The following EXOC6B variants were observed in gnomAD, a reference collection of about 807,000 sequenced individuals.
EXOC6B encodes the protein SEC15 homolog B.
In EXOC6B, 54 loss-of-function variants were observed where a neutral mutation model predicts 113.5. That is an observed-to-expected ratio of 0.48 (90% CI 0.38 to 0.60). The LOEUF is 0.60. Among genes scored for constraint, EXOC6B ranks in the 20% least tolerant of loss-of-function variants. EXOC6B has a pLI of 0.00. For missense variants in EXOC6B, 797 were observed against 977.5 expected (o/e 0.82, Z 2.46); for synonymous variants, 357 against 339.0 (o/e 1.05, Z -0.58).
intron 7 of EXOC6B, among the ~76,000 whole-genome samples, chr2:72,568,959 CAAA>C (rs1245621112): frequency 7.4e-6 from 1 of 135,432 alleles, no homozygotes; most frequent in Non-Finnish European, 1.5e-5. Flanking sequence ...ACTATCACCA[CAAA>C]AAAAAAAAAA....
chr2:72,740,121 T>C (rs971491182), intron 2 of EXOC6B, among the ~76,000 whole-genome samples: 11 of 152,122 alleles, frequency 7.2e-5, no homozygotes, highest in African/African-American at 2.4e-4. Flanking sequence ...CTATAATCAA[T>C]TGAGTTTTTA....
chr2:72,633,282 T>C (rs1672597124), intron 6 of EXOC6B, among the ~76,000 whole-genome samples: 1 of 152,124 alleles, frequency 6.6e-6, no homozygotes, highest in South Asian at 2.1e-4. Context: ...GGGAATAAAT[T>C]AGGCAGGATC....
At chr2:72,214,259 G>A (rs542678155) in intron 20 of EXOC6B, among the ~76,000 whole-genome samples, 11 of 120,824 alleles carry the variant, frequency 9.1e-5, no homozygotes, top group South Asian at 5.0e-4. Flanking sequence ...AAGCTGAGGC[G>A]GGCGGATCAT....
At chr2:72,692,635 G>A (rs1262213656) in intron 6 of EXOC6B, among the ~76,000 whole-genome samples, 1 of 152,190 alleles carries the variant, frequency 6.6e-6, no homozygotes, top group African/African-American at 2.4e-5. Context: ...ACAGCCGTGA[G>A]CCGCTGCGCC....
chr2:72,540,298 T>C (rs1702528004), intron 8 of EXOC6B, among the ~76,000 whole-genome samples: 1 of 152,142 alleles, frequency 6.6e-6, no homozygotes. Flanking sequence ...TATAGTCCTT[T>C]GGGTACTTTA....
intron 18 of EXOC6B, among the ~76,000 whole-genome samples, chr2:72,418,349 A>G (rs1026635688): frequency 5.9e-5 from 9 of 151,870 alleles, no homozygotes; most frequent in African/African-American, 1.9e-4. Flanking sequence ...TCTAACCTCA[A>G]CTCCTGGCAA....
intron 1 of EXOC6B, among the ~76,000 whole-genome samples, chr2:72,765,510 C>G (rs1405276358): frequency 2.0e-5 from 3 of 151,906 alleles, no homozygotes; most frequent in African/African-American, 7.3e-5. Flanking sequence ...CCCCTCTCTA[C>G]TAAATTACAA....
At chr2:72,435,267 G>A (rs1469547647) in intron 18 of EXOC6B, among the ~76,000 whole-genome samples, 1 of 152,174 alleles carries the variant, frequency 6.6e-6, no homozygotes, top group Non-Finnish European at 1.5e-5. Flanking sequence ...TATGGTCGGA[G>A]AGACTGTTTG....
chr2:72,735,767 G>A (rs1680912177), intron 2 of EXOC6B, among the ~76,000 whole-genome samples: 2 of 152,162 alleles, frequency 1.3e-5, no homozygotes, highest in Middle Eastern at 3.4e-3. Context: ...TTGCAGGGGT[G>A]GAGATTGCAG....
intron 20 of EXOC6B, among the ~76,000 whole-genome samples, chr2:72,203,192 C>T (rs981607550): frequency 2.0e-5 from 3 of 152,198 alleles, no homozygotes; most frequent in African/African-American, 7.2e-5. Context: ...AATGCCTCTT[C>T]TTTTCTCTTT....
At chr2:72,326,742 A>C (rs1397083165) in intron 20 of EXOC6B, among the ~76,000 whole-genome samples, 1 of 151,664 alleles carries the variant, frequency 6.6e-6, no homozygotes, top group Non-Finnish European at 1.5e-5. Flanking sequence ...GTGTTCTATT[A>C]GGATGGTGCA....
chr2:72,638,881 G>C (rs1163014129), intron 6 of EXOC6B, among the ~76,000 whole-genome samples: 1 of 152,158 alleles, frequency 6.6e-6, no homozygotes, highest in Non-Finnish European at 1.5e-5. Flanking sequence ...TTGCCCATCA[G>C]ACAGGGCCAG....
intron 20 of EXOC6B, among the ~76,000 whole-genome samples, chr2:72,244,341 A>G (rs944013791): frequency 6.6e-6 from 1 of 152,180 alleles, no homozygotes; most frequent in Admixed American, 6.5e-5. Flanking sequence ...GGAATTAAAT[A>G]ATATGTTTAA....
intron 7 of EXOC6B, among the ~76,000 whole-genome samples, chr2:72,569,349 T>C (rs1672062020): frequency 6.6e-6 from 1 of 151,960 alleles, no homozygotes; most frequent in Non-Finnish European, 1.5e-5. Flanking sequence ...TTTTTTCACA[T>C]CAGTGTGGCC....
intron 21 of EXOC6B, among the ~76,000 whole-genome samples, chr2:72,180,565 T>C (rs1236355634): frequency 6.6e-6 from 1 of 152,186 alleles, no homozygotes; most frequent in Non-Finnish European, 1.5e-5. Context: ...TCACCAGAGT[T>C]GGGCCAGCCC....
At chr2:72,577,408 T>C (rs1282175480) in intron 6 of EXOC6B, among the ~76,000 whole-genome samples, 5 of 152,016 alleles carry the variant, frequency 3.3e-5, no homozygotes, top group Admixed American at 6.6e-5. Flanking sequence ...TTTAAAACTT[T>C]CATATTTTTA....
chr2:72,543,307 A>C (rs968354857), intron 8 of EXOC6B, among the ~76,000 whole-genome samples: 7 of 152,214 alleles, frequency 4.6e-5, no homozygotes, highest in Non-Finnish European at 8.8e-5. Flanking sequence ...TGTCTTGATA[A>C]GGTTAAAATT....
intron 6 of EXOC6B, among the ~76,000 whole-genome samples, chr2:72,591,544 C>A (rs910743811): frequency 3.3e-5 from 5 of 152,078 alleles, no homozygotes; most frequent in African/African-American, 1.2e-4. Flanking sequence ...AGGCTAGAGA[C>A]CCATTTGAAA....
chr2:72,293,926 A>G (rs1233209041), intron 20 of EXOC6B, among the ~76,000 whole-genome samples: 2 of 152,176 alleles, frequency 1.3e-5, no homozygotes, highest in Admixed American at 6.5e-5. Flanking sequence ...GTAAGAGACC[A>G]TCAAGTTCCA....
Sources: allele counts gnomAD v4.1 joint callset (sites outside exome capture counted in the v4.1 genomes callset), GRCh38; gene constraint gnomAD v4.1.1; transcripts MANE v1.5; gene names NCBI Gene and HGNC (gene_info 2026-07-23, HGNC 2026-07-21).